PEX5L: variants seen among roughly 807,000 people sequenced by gnomAD.
PEX5L encodes peroxisomal biogenesis factor 5 like, also known as PEX5-related protein.
In PEX5L, 30 loss-of-function variants were observed where a neutral mutation model predicts 84.0. That is an observed-to-expected ratio of 0.36 (90% CI 0.27 to 0.48). The LOEUF is 0.48. Among genes scored for constraint, PEX5L ranks in the 20% least tolerant of loss-of-function variants. The pLI is 0.99. For missense variants in PEX5L, 533 were observed against 754.6 expected (o/e 0.71, Z 3.44); for synonymous variants, 270 against 283.1 (o/e 0.95, Z 0.46).
intron 1 of PEX5L, among the ~76,000 whole-genome samples, chr3:179,999,869 T>C (rs1263002310): frequency 6.6e-6 from 1 of 152,036 alleles, no homozygotes; most frequent in Non-Finnish European, 1.5e-5. Flanking sequence ...AATTGTGGAG[T>C]GGCTTTTTGA....
chr3:179,807,483 T>C (rs1382087033), intron 14 of PEX5L, among the ~76,000 whole-genome samples, 191 bp downstream of exon 14: 3 of 152,156 alleles, frequency 2.0e-5, no homozygotes, highest in African/African-American at 4.8e-5. Flanking sequence ...TCTCTAAAGA[T>C]TGAGAACCAG....
At chr3:179,967,188 C>T (rs1475046582) in intron 2 of PEX5L, among the ~76,000 whole-genome samples, 1 of 152,102 alleles carries the variant, frequency 6.6e-6, no homozygotes, top group Non-Finnish European at 1.5e-5. Context: ...ATAGCATGAT[C>T]AGTAATGAGC....
intron 8 of PEX5L, among the ~76,000 whole-genome samples, chr3:179,832,464 C>T (rs1253678098): frequency 6.6e-6 from 1 of 151,704 alleles, no homozygotes. Context: ...ACCTACCTAC[C>T]TACCCACCTA....
chr3:179,860,143 C>T (rs1417019014), intron 7 of PEX5L, among the ~76,000 whole-genome samples: 9 of 152,016 alleles, frequency 5.9e-5, no homozygotes, highest in East Asian at 1.9e-4. Flanking sequence ...TTTGGTCAAC[C>T]TCTGTGCTCT....
chr3:179,970,916 CAG>C (rs1412392869), intron 2 of PEX5L, among the ~76,000 whole-genome samples: 2 of 152,116 alleles, frequency 1.3e-5, no homozygotes, highest in Admixed American at 1.3e-4. Flanking sequence ...TGATAATTAA[CAG>C]AGATGTTAAG....
chr3:179,858,313 T>TA (rs920195486), intron 8 of PEX5L, among the ~76,000 whole-genome samples: 2 of 152,168 alleles, frequency 1.3e-5, no homozygotes, highest in Non-Finnish European at 2.9e-5. Flanking sequence ...GTAGCAGAGA[T>TA]AGCATCTGTG....
rs1166084932 is a variant in PEX5L, at chr3:179,971,591, T to C, written c.93+3A>G. On this transcript the variant is annotated splice_donor_region_variant and intron_variant, in intron 2 of 14. Coordinates refer to ENST00000467460, the MANE Select transcript of PEX5L (RefSeq NM_016559.3). The stretch of plus-strand genomic sequence containing the variant: ...TAGAAAATGTACGTAAGTATTCACT[T>C]ACCTGCTTTTGATCAACAATTATTT... 2.5e-6 allele frequency: 4 copies of C among 1,607,020 alleles called. No individual in the cohort carries two copies. Among genetic ancestry groups the C allele is most frequent in the Non-Finnish European group, 3.4e-6 (4 of 1,176,840 alleles).
chr3:179,867,025 C>CAAAAAAAAAAAAAAGA (rs1748513125), intron 7 of PEX5L, among the ~76,000 whole-genome samples: 1 of 89,414 alleles, frequency 1.1e-5, no homozygotes, highest in Admixed American at 1.2e-4. Flanking sequence ...GACTCTGTCT[C>CAAAAAAAAAAAAAAGA]AAAAAAAAAA....
At chr3:179,839,782 CAAAT>C (rs1207946032) in intron 8 of PEX5L, among the ~76,000 whole-genome samples, 3 of 152,144 alleles carry the variant, frequency 2.0e-5, no homozygotes, top group Admixed American at 2.0e-4. Context: ...TAAAAATACA[CAAAT>C]AAATGAATAA....
At chr3:180,035,557 C>T (rs1791830528) in intron 1 of PEX5L, among the ~76,000 whole-genome samples, 2 of 151,968 alleles carry the variant, frequency 1.3e-5, no homozygotes, top group African/African-American at 4.8e-5. Flanking sequence ...AAGAATTTCC[C>T]TAAGTTATGG....
At chr3:180,025,232 T>G (rs368480516) in intron 1 of PEX5L, among the ~76,000 whole-genome samples, 2 of 152,182 alleles carry the variant, frequency 1.3e-5, no homozygotes, top group African/African-American at 4.8e-5. Context: ...GTGTGTATCT[T>G]AGCATCACGG....
chr3:179,814,298 C>T (rs959205662), intron 10 of PEX5L, among the ~76,000 whole-genome samples: 6 of 152,172 alleles, frequency 3.9e-5, no homozygotes, highest in African/African-American at 1.4e-4. Context: ...ATGTGCCAGG[C>T]ACTGAGCTGA....
intron 2 of PEX5L, among the ~76,000 whole-genome samples, chr3:179,926,838 A>T (rs981066797): frequency 6.6e-6 from 1 of 152,220 alleles, no homozygotes; most frequent in African/African-American, 2.4e-5. Context: ...CTTTCTGGGT[A>T]ATTTTGGAAA....
intron 1 of PEX5L, among the ~76,000 whole-genome samples, chr3:180,014,467 G>A (rs1411124623): frequency 7.1e-6 from 1 of 140,524 alleles, no homozygotes. Context: ...GCGAGACTCC[G>A]ACTCAAAAAA....
chr3:180,027,453 G>A (rs1791066530), intron 1 of PEX5L, among the ~76,000 whole-genome samples: 1 of 152,200 alleles, frequency 6.6e-6, no homozygotes, highest in Non-Finnish European at 1.5e-5. Context: ...TTGCTGTATT[G>A]CTTTATCATT....
At chr3:179,880,897 C>T (rs759144854) in intron 4 of PEX5L, 6 of 152,180 alleles carry the variant, frequency 3.9e-5, no homozygotes, top group Non-Finnish European at 5.9e-5. Flanking sequence ...GTGCACGTAA[C>T]CAGTGTTTGA....
At chr3:179,905,549 G>A (rs188824774) in intron 2 of PEX5L, among the ~76,000 whole-genome samples, 4 of 152,206 alleles carry the variant, frequency 2.6e-5, no homozygotes, top group East Asian at 1.9e-4. Context: ...GTGAGCCACC[G>A]CGCCCCGCCA....
chr3:179,813,833 C>T (rs1420960814), intron 10 of PEX5L, among the ~76,000 whole-genome samples: 2 of 151,982 alleles, frequency 1.3e-5, no homozygotes, highest in African/African-American at 2.4e-5. Flanking sequence ...CCCGCCACCG[C>T]GCCCGGCTAA....
At chr3:180,015,854 A>G in intron 1 of PEX5L, among the ~76,000 whole-genome samples, 1 of 145,980 alleles carries the variant, frequency 6.9e-6, no homozygotes, top group East Asian at 1.9e-4. Flanking sequence ...CATAGAATAT[A>G]ATAATATATA....
Sources: allele counts gnomAD v4.1 joint callset (sites outside exome capture counted in the v4.1 genomes callset), GRCh38; gene constraint gnomAD v4.1.1; transcripts MANE v1.5; gene names NCBI Gene and HGNC (gene_info 2026-07-23, HGNC 2026-07-21).